The following NBEA variants were observed in gnomAD, a reference collection of about 807,000 sequenced individuals.
NBEA encodes the protein neurobeachin.
In NBEA, 44 loss-of-function variants were observed where a neutral mutation model predicts 343.4. That is an observed-to-expected ratio of 0.13 (90% CI 0.10 to 0.16). The LOEUF (loss-of-function observed/expected upper bound fraction) is 0.16. NBEA is among the 10% of genes least tolerant of loss of function. NBEA has a pLI of 1.00. For missense variants in NBEA, 2,555 were observed against 3,631.3 expected, an observed-to-expected ratio of 0.70 and a Z score of 7.62; for synonymous variants, 1,175 against 1,238.7, an observed-to-expected ratio of 0.95 and a Z score of 1.08.
intron 27 of NBEA, among the ~76,000 whole-genome samples, chr13:35,174,612 A>T (rs1001636984): frequency 6.6e-6 from 1 of 152,094 alleles, no homozygotes; most frequent in African/African-American, 2.4e-5. Context: ...CTGTCAGAGA[A>T]CATTTGTAAT....
intron 49 of NBEA, among the ~76,000 whole-genome samples, chr13:35,628,871 T>C (rs949874784): frequency 6.6e-6 from 1 of 152,070 alleles, no homozygotes; most frequent in Non-Finnish European, 1.5e-5. Flanking sequence ...TGAGCCAAGA[T>C]TGCACCACTG....
At chr13:35,208,141 A>G (rs2073521338) in intron 31 of NBEA, among the ~76,000 whole-genome samples, 1 of 152,096 alleles carries the variant, frequency 6.6e-6, no homozygotes, top group African/African-American at 2.4e-5. Context: ...AATCACTTGA[A>G]CCCAGGAGGC....
intron 36 of NBEA, among the ~76,000 whole-genome samples, chr13:35,347,746 T>A (rs1405812529): frequency 6.6e-6 from 1 of 151,840 alleles, no homozygotes; most frequent in Non-Finnish European, 1.5e-5. Context: ...CAGTAATCAG[T>A]TTTTTTCTTT....
intron 36 of NBEA, among the ~76,000 whole-genome samples, chr13:35,320,019 C>G (rs1213174718): frequency 1.3e-5 from 2 of 152,098 alleles, no homozygotes; most frequent in Non-Finnish European, 2.9e-5. Context: ...CTGAGTACAG[C>G]ACACTGATGG....
chr13:35,432,494 C>G (rs1019080306), intron 39 of NBEA, 101 bp downstream of exon 39: 1 of 1,078,532 alleles, frequency 9.3e-7, no homozygotes, highest in Non-Finnish European at 1.3e-6. Flanking sequence ...TTAATGTTCT[C>G]CATGTCTTGA....
intron 41 of NBEA, among the ~76,000 whole-genome samples, chr13:35,529,466 T>A (rs1428220981): frequency 6.6e-6 from 1 of 152,202 alleles, no homozygotes; most frequent in Non-Finnish European, 1.5e-5. Flanking sequence ...AGTTACCCTA[T>A]GGAAAATGTT....
intron 40 of NBEA, among the ~76,000 whole-genome samples, chr13:35,462,934 G>T (rs567192269): frequency 6.6e-6 from 1 of 152,276 alleles, no homozygotes; most frequent in South Asian, 2.1e-4. Flanking sequence ...GTCTTCTGTG[G>T]GTGGGAGATG....
At chr13:35,240,059 G>T (rs1168815486) in intron 34 of NBEA, among the ~76,000 whole-genome samples, 2 of 148,746 alleles carry the variant, frequency 1.3e-5, no homozygotes, top group Middle Eastern at 3.4e-3. Flanking sequence ...GGCAAAAATC[G>T]CAATTACTTT....
intron 46 of NBEA, among the ~76,000 whole-genome samples, chr13:35,592,268 C>T (rs1438753844): frequency 1.3e-5 from 2 of 152,122 alleles, no homozygotes; most frequent in Non-Finnish European, 2.9e-5. Flanking sequence ...CATCTACTGT[C>T]ATTTGTACTT....
At chr13:35,221,138 G>A (rs1184113494) in intron 33 of NBEA, among the ~76,000 whole-genome samples, 3 of 152,076 alleles carry the variant, frequency 2.0e-5, no homozygotes, top group Non-Finnish European at 1.5e-5. Flanking sequence ...AAGGTCAGGA[G>A]TTCGAGACCA....
chr13:35,373,582 G>T (rs1594393185), intron 38 of NBEA, among the ~76,000 whole-genome samples: 2 of 151,946 alleles, frequency 1.3e-5, no homozygotes, highest in African/African-American at 4.8e-5. Flanking sequence ...GTGCATGCCT[G>T]TAGTCCCAGC....
chr13:35,056,673 C>A (rs1372304372), intron 7 of NBEA, among the ~76,000 whole-genome samples: 2 of 151,848 alleles, frequency 1.3e-5, no homozygotes, highest in African/African-American at 4.8e-5. Flanking sequence ...TAGGAAAGTT[C>A]AAGGAAAAGG....
At chr13:35,026,358 C>A (rs1213921479) in intron 1 of NBEA, among the ~76,000 whole-genome samples, 3 of 152,094 alleles carry the variant, frequency 2.0e-5, no homozygotes, top group African/African-American at 7.2e-5. Context: ...CTTGTAATCT[C>A]ACTGTATTTC....
chr13:35,491,640 G>A (rs150890659), intron 41 of NBEA, among the ~76,000 whole-genome samples: 64 of 151,944 alleles, frequency 4.2e-4, no homozygotes, highest in Non-Finnish European at 6.9e-4. Context: ...ATCCTTGCAA[G>A]CCACCATCAT....
intron 36 of NBEA, among the ~76,000 whole-genome samples, chr13:35,311,564 T>G (rs1158727783): frequency 6.6e-6 from 1 of 152,062 alleles, no homozygotes; most frequent in Non-Finnish European, 1.5e-5. Flanking sequence ...AAAAAAAATT[T>G]CAATCTAGGT....
At chr13:35,098,007 G>A (rs191157950) in intron 10 of NBEA, among the ~76,000 whole-genome samples, 29 of 152,088 alleles carry the variant, frequency 1.9e-4, no homozygotes, top group Non-Finnish European at 1.5e-4. Flanking sequence ...CTTGAAGCCA[G>A]ACATATAAAT....
At chr13:35,401,791 A>T (rs1457821090) in intron 38 of NBEA, among the ~76,000 whole-genome samples, 1 of 152,014 alleles carries the variant, frequency 6.6e-6, no homozygotes, top group Non-Finnish European at 1.5e-5. Flanking sequence ...ATTAGAAAAA[A>T]ACTTCCATTA....
intron 20 of NBEA, 42 bp from the exon 21 acceptor site, chr13:35,157,036 A>C: frequency 7.1e-7 from 1 of 1,416,534 alleles, no homozygotes; most frequent in South Asian, 1.6e-5. Context: ...ATTCTAACTT[A>C]ATTTGGATAT....
At position 35,444,777 on chromosome 13, in the gene NBEA, A is replaced by G. The variant is rs151206168; in HGVS notation, c.6305-7315A>G. On this transcript the variant is annotated intron_variant, in intron 39 of 58. Coordinates refer to ENST00000379939, the MANE Select transcript of NBEA (RefSeq NM_001385012.1). The stretch of plus-strand genomic sequence containing the variant: ...TTCAAATATCCAAGATACTAAACAT[A>G]TTTATATAATTAAATATCTGTATGC... Among the ~76,000 whole-genome samples the G allele has an allele frequency of 1.1e-4, 16 of 152,210 alleles. No homozygotes were observed. In the East Asian group the frequency reaches 2.9e-3, roughly 28 times the overall value.
Sources: gnomAD v4.1 joint callset for allele counts (sites outside exome capture counted in the v4.1 genomes callset) on GRCh38, gnomAD v4.1.1 for gene constraint, MANE v1.5 for transcripts, NCBI Gene and HGNC (gene_info 2026-07-23, HGNC 2026-07-21) for gene names.